PEPD: variants seen among roughly 807,000 people sequenced by gnomAD.
PEPD encodes peptidase D.
In PEPD, 53 loss-of-function variants were observed where a neutral mutation model predicts 60.7. The ratio of observed to expected loss-of-function variants is 0.87; its 90% CI spans 0.70 to 1.10. The LOEUF is 1.10. PEPD is among the 50% of genes least tolerant of loss of function. PEPD has a pLI of 0.00. For synonymous variants in PEPD, 267 were observed against 284.1 expected, an observed-to-expected ratio of 0.94 and a Z score of 0.60; for missense variants, 711 against 711.9, an observed-to-expected ratio of 1.00 and a Z score of 0.01.
chr19:33,508,196 C>G (rs1259934751), intron 3 of PEPD, among the ~76,000 whole-genome samples: 6 of 152,168 alleles, frequency 3.9e-5, no homozygotes, highest in Non-Finnish European at 5.9e-5. Flanking sequence ...TCAACAGGCT[C>G]TGAGCCAGCA....
intron 7 of PEPD, among the ~76,000 whole-genome samples, chr19:33,467,494 TAG>T (rs1378993903): frequency 6.6e-6 from 1 of 151,874 alleles, no homozygotes; most frequent in Non-Finnish European, 1.5e-5. Context: ...AAAAGATGTG[TAG>T]AGAGAGCAGG....
At chr19:33,513,775 T>A (rs1001144051) in intron 1 of PEPD, among the ~76,000 whole-genome samples, 1 of 152,164 alleles carries the variant, frequency 6.6e-6, no homozygotes, top group Non-Finnish European at 1.5e-5. Flanking sequence ...GGCACGGGCA[T>A]CCTCGCTCTT....
chr19:33,447,911 C>G (rs142953252), intron 9 of PEPD, among the ~76,000 whole-genome samples: 3 of 152,186 alleles, frequency 2.0e-5, no homozygotes, highest in Non-Finnish European at 1.5e-5. Flanking sequence ...TTCCTGAGGA[C>G]GCAAACTCAG....
At chr19:33,420,664 T>C (rs914260026) in intron 9 of PEPD, among the ~76,000 whole-genome samples, 3 of 151,984 alleles carry the variant, frequency 2.0e-5, no homozygotes, top group Non-Finnish European at 4.4e-5. Flanking sequence ...ATCGCACCAG[T>C]GCACTCCAGC....
intron 9 of PEPD, among the ~76,000 whole-genome samples, chr19:33,418,418 G>A (rs1458341664): frequency 1.3e-5 from 2 of 152,210 alleles, no homozygotes; most frequent in Middle Eastern, 3.2e-3. Flanking sequence ...GGAGGACTTG[G>A]AGCCAAAACC....
chr19:33,519,843 A>C (rs927101980), intron 1 of PEPD, among the ~76,000 whole-genome samples: 4 of 152,120 alleles, frequency 2.6e-5, no homozygotes, highest in African/African-American at 9.7e-5. Flanking sequence ...AGGCGGGTGG[A>C]TCACCTGAGG....
chr19:33,461,756 T>A (rs1969929821), intron 9 of PEPD, among the ~76,000 whole-genome samples: 1 of 152,134 alleles, frequency 6.6e-6, no homozygotes, highest in Non-Finnish European at 1.5e-5. Flanking sequence ...CTGGGAATGC[T>A]GGGCCACAGA....
At chr19:33,416,875 C>A (rs1968901544) in intron 9 of PEPD, among the ~76,000 whole-genome samples, 1 of 152,200 alleles carries the variant, frequency 6.6e-6, no homozygotes, top group Non-Finnish European at 1.5e-5. Context: ...GTCAGTGGGG[C>A]AGGCACATCT....
chr19:33,474,616 G>A (rs1412660149), intron 7 of PEPD, among the ~76,000 whole-genome samples: 2 of 152,098 alleles, frequency 1.3e-5, no homozygotes, highest in Non-Finnish European at 2.9e-5. Context: ...CCCGGGAGGC[G>A]GAGGTTGCAG....
At chr19:33,459,180 C>G (rs1969881092) in intron 9 of PEPD, among the ~76,000 whole-genome samples, 1 of 152,038 alleles carries the variant, frequency 6.6e-6, no homozygotes, top group South Asian at 2.1e-4. Context: ...GAAGGGGACG[C>G]CACCACACGG....
chr19:33,401,044 T>C (rs1968476860), intron 12 of PEPD, among the ~76,000 whole-genome samples: 2 of 151,226 alleles, frequency 1.3e-5, no homozygotes, highest in South Asian at 4.2e-4. Flanking sequence ...CGGTGGGAGG[T>C]CAAGAGGTAC....
chr19:33,444,187 A>T (rs1969545979), intron 9 of PEPD, among the ~76,000 whole-genome samples: 1 of 152,126 alleles, frequency 6.6e-6, no homozygotes, highest in African/African-American at 2.4e-5. Context: ...GCAGGCAGGG[A>T]GAGGGGTGCG....
chr19:33,506,405 A>ACG (rs1255811795), intron 3 of PEPD, among the ~76,000 whole-genome samples: 1 of 135,544 alleles, frequency 7.4e-6, no homozygotes, highest in African/African-American at 2.8e-5. Flanking sequence ...TCACACACAC[A>ACG]CCCTCATCAC....
chr19:33,503,086 T>C (rs758252839), intron 3 of PEPD, among the ~76,000 whole-genome samples: 2 of 151,944 alleles, frequency 1.3e-5, no homozygotes, highest in African/African-American at 2.4e-5. Context: ...CTATGTGCCA[T>C]TCTCAGCCTT....
intron 9 of PEPD, among the ~76,000 whole-genome samples, chr19:33,438,808 C>T (rs755701115): frequency 6.6e-6 from 1 of 152,222 alleles, no homozygotes; most frequent in African/African-American, 2.4e-5. Flanking sequence ...CTCTGCCTCC[C>T]GGGTTCATTC....
chr19:33,440,103 G>A (rs1969455577), intron 9 of PEPD, among the ~76,000 whole-genome samples: 1 of 152,130 alleles, frequency 6.6e-6, no homozygotes, highest in South Asian at 2.1e-4. Flanking sequence ...TGCGCAAGAC[G>A]AGTGATCCTG....
At chr19:33,494,346 A>G (rs963321915) in intron 4 of PEPD, among the ~76,000 whole-genome samples, 1 of 152,242 alleles carries the variant, frequency 6.6e-6, no homozygotes, top group African/African-American at 2.4e-5. Flanking sequence ...GATCACTGAC[A>G]TACTCTATGC....
At chr19:33,412,795 G>T (rs530950653) in intron 10 of PEPD, among the ~76,000 whole-genome samples, 2 of 152,346 alleles carry the variant, frequency 1.3e-5, no homozygotes, top group African/African-American at 4.8e-5. Flanking sequence ...CATCCTGGCC[G>T]GGCAGGGGCC....
At chr19:33,410,807 AG>A (rs145744275) in intron 11 of PEPD, among the ~76,000 whole-genome samples, 10,136 of 152,276 alleles carry the variant, frequency 0.067, 1,173 homozygotes, top group African/African-American at 0.23. Context: ...AGGCCAAGAC[AG>A]GGCCTGCGTG....
Sources: gnomAD v4.1 joint callset for allele counts (sites outside exome capture counted in the v4.1 genomes callset) on GRCh38, gnomAD v4.1.1 for gene constraint, MANE v1.5 for transcripts, NCBI Gene and HGNC (gene_info 2026-07-23, HGNC 2026-07-21) for gene names.